USP47: variants seen among roughly 807,000 people sequenced by gnomAD.
The protein encoded by USP47 is ubiquitin specific peptidase 47.
Under a neutral mutation model 165.1 loss-of-function variants are expected in USP47, and 35 were observed. That is an observed-to-expected ratio of 0.21 (90% CI 0.16 to 0.28). The LOEUF is 0.28. Among genes scored for constraint, USP47 ranks in the 10% least tolerant of loss-of-function variants. The pLI is 1.00. For missense variants in USP47, 1,277 were observed against 1,607.4 expected (o/e 0.79, Z 3.52); for synonymous variants, 531 against 544.5 (o/e 0.98, Z 0.35).
intron 17 of USP47, 103 bp from the exon 18 acceptor site, chr11:11,938,154 T>C: frequency 1.1e-6 from 1 of 915,948 alleles, no homozygotes; most frequent in East Asian, 2.5e-5. Context: ...ACTTGGAAGT[T>C]TGGATTTGTC....
chr11:11,879,575 C>T (rs1479339230), intron 1 of USP47, among the ~76,000 whole-genome samples: 6 of 152,060 alleles, frequency 3.9e-5, no homozygotes, highest in African/African-American at 1.4e-4. Flanking sequence ...TTTCCTTCCC[C>T]CTCCTCCTGG....
intron 8 of USP47, among the ~76,000 whole-genome samples, chr11:11,911,485 T>G (rs947810590): frequency 6.6e-6 from 1 of 152,022 alleles, no homozygotes; most frequent in African/African-American, 2.4e-5. Context: ...AAGAAGACTT[T>G]AGAGCAAAGA....
intron 1 of USP47, among the ~76,000 whole-genome samples, chr11:11,879,334 G>T (rs915830512): frequency 2.6e-5 from 4 of 152,210 alleles, no homozygotes; most frequent in African/African-American, 9.6e-5. Flanking sequence ...GGTTTCAGCA[G>T]CCAGGCAGAT....
chr11:11,842,694 GTTA>G lies in USP47; in HGVS notation c.39+471_39+473del, dbSNP rs373084950. ...GATCTGTGGGAGGGCAGACTTAACT[GTTA>G]CGACTTTTTTCAACTCCTGTTACTT... is the stretch of plus-strand genomic sequence containing the variant. On this transcript the variant is annotated intron_variant, in intron 1 of 27. Transcript: ENST00000527733. Among the ~76,000 whole-genome samples, 425 of 152,260 alleles carry G rather than the reference GTTA, an allele frequency of 2.8e-3. 2 individuals are homozygous for G. Among genetic ancestry groups the G allele is most frequent in the African/African-American group, 0.01 (416 of 41,540 alleles).
At chr11:11,889,090 T>C (rs546451885) in intron 3 of USP47, among the ~76,000 whole-genome samples, 1 of 152,220 alleles carries the variant, frequency 6.6e-6, no homozygotes, top group South Asian at 2.1e-4. Flanking sequence ...CCACAGCCAA[T>C]ATCAACCTGA....
In USP47 at chr11:11,877,931, A is replaced by G. The variant is rs185054638; in HGVS notation, c.40-2246A>G. Among the ~76,000 whole-genome samples the G allele has an allele frequency of 2.0e-5, 3 of 151,888 alleles. No individual in the cohort carries two copies. The East Asian group carries it at 5.8e-4, about 29-fold the overall frequency. On this transcript the variant is annotated intron_variant, in intron 1 of 27. Transcript: ENST00000527733. The stretch of plus-strand genomic sequence containing the variant: ...ATAGTTATCTGTGGGTTATAGAGTT[A>G]CAGATTATTTCCATTTTTTCCTTTA...
Position 11,959,416 on chromosome 11 carries a change from G to A in USP47, c.*3241G>A, listed in dbSNP as rs894051372. On this transcript the variant is annotated 3_prime_UTR_variant, in exon 28 of 28. Coordinates refer to ENST00000527733, the MANE Select transcript of USP47 (RefSeq NM_001282659.2). ...CATATGTCCTGAAAGGCAAAACTCT[G>A]TGTATGTGCGATTTACCAGGGAGAT... 1 of 152,272 alleles carries A rather than the reference G, an allele frequency of 6.6e-6. No individual in the cohort carries two copies. Among genetic ancestry groups the A allele is most frequent in the Admixed American group, 6.5e-5 (1 of 15,300 alleles). 9.4% of individuals were successfully genotyped at this position (152,272 alleles called of 1,614,324 possible). A position where few individuals can be genotyped will look rare whatever the true frequency, so the allele number is the denominator to read the frequency against.
At chr11:11,938,939 C>T (rs1044706254) in intron 18 of USP47, among the ~76,000 whole-genome samples, 19 of 151,846 alleles carry the variant, frequency 1.3e-4, no homozygotes, top group African/African-American at 3.4e-4. Flanking sequence ...TGACCTGAGC[C>T]AGGGGTTTCA....
chr11:11,948,636 C>T, intron 22 of USP47, 78 bp downstream of exon 22: 1 of 1,369,352 alleles, frequency 7.3e-7, no homozygotes, highest in South Asian at 1.3e-5. Flanking sequence ...TATTCATAGT[C>T]ATTTTATTTC....
intron 5 of USP47, among the ~76,000 whole-genome samples, chr11:11,899,147 G>A (rs1852032870): frequency 1.3e-5 from 2 of 152,060 alleles, no homozygotes; most frequent in Non-Finnish European, 2.9e-5. Context: ...CATAACCAGA[G>A]TTTTGTCAGA....
intron 1 of USP47, among the ~76,000 whole-genome samples, chr11:11,867,218 C>A (rs577613409): frequency 2.0e-5 from 3 of 152,258 alleles, no homozygotes; most frequent in South Asian, 4.1e-4. Context: ...CATGTAAATT[C>A]TTCTCCGTTT....
chr11:11,871,764 A>C (rs888768832), intron 1 of USP47, among the ~76,000 whole-genome samples: 36 of 151,036 alleles, frequency 2.4e-4, no homozygotes, highest in African/African-American at 8.5e-4. Flanking sequence ...CACCCCTTGA[A>C]CTCCCAACTC....
intron 1 of USP47, among the ~76,000 whole-genome samples, chr11:11,876,399 C>T (rs151210926): frequency 6.6e-6 from 1 of 152,304 alleles, no homozygotes; most frequent in East Asian, 1.9e-4. Context: ...ATACTTTCCC[C>T]ACTTGAACTT....
chr11:11,926,412 TGTTAAAC>T (rs940076462), intron 11 of USP47, among the ~76,000 whole-genome samples: 1 of 152,158 alleles, frequency 6.6e-6, no homozygotes, highest in Admixed American at 6.5e-5. Context: ...CTTCATAAGC[TGTTAAAC>T]GTTTGTAGAA....
In USP47 at chr11:11,860,009, C is replaced by G. The variant is rs546086830; in HGVS notation, c.39+17785C>G. 3.9e-3 allele frequency among the ~76,000 whole-genome samples: 582 copies of G among 149,946 alleles called. 2 individuals are homozygous for G. The highest frequency in any genetic ancestry group is 6.6e-3 in the Non-Finnish European group (445 of 67,724). On this transcript the variant is annotated intron_variant, in intron 1 of 27. Transcript: ENST00000527733. ...GTTCCAGCTACTTGGGAGGCTGAGA[C>G]AGAAGAATTGCGTGAACCCGGGAGA...
rs933765531 is a variant in USP47, at chr11:11,844,724, A to AT, written c.39+2512dup. ...ATGGCTTATTATCAATAATCTAAAG[A>AT]TTTTTTTTTTTTGAGGGCCTTTGTA... On this transcript the variant is annotated intron_variant, in intron 1 of 27. Coordinates refer to ENST00000527733, the MANE Select transcript of USP47 (RefSeq NM_001282659.2). Among the ~76,000 whole-genome samples, 170 of 147,388 alleles carry AT rather than the reference A, an allele frequency of 1.2e-3. 2 individuals carry two copies. The highest frequency in any genetic ancestry group is 8.3e-3 in the East Asian group (42 of 5,064).
chr11:11,856,849 T>C (rs1304335422), intron 1 of USP47: 1 of 152,486 alleles, frequency 6.6e-6, no homozygotes, highest in African/African-American at 2.4e-5. Flanking sequence ...ACTGGCATTT[T>C]TGTGGGCATT....
chr11:11,871,189 A>T (rs776561621), intron 1 of USP47, among the ~76,000 whole-genome samples: 4 of 152,092 alleles, frequency 2.6e-5, no homozygotes, highest in African/African-American at 9.7e-5. Context: ...TGCCCTGTGC[A>T]TTATGAGATT....
intron 8 of USP47, among the ~76,000 whole-genome samples, 175 bp downstream of exon 8, chr11:11,905,723 AT>A (rs757479998): frequency 5.3e-5 from 8 of 152,122 alleles, no homozygotes; most frequent in Non-Finnish European, 1.0e-4. Flanking sequence ...GTGAGTCCTA[AT>A]AGTGCATGTA....
Sources: gnomAD v4.1 joint callset for allele counts (sites outside exome capture counted in the v4.1 genomes callset) on GRCh38, gnomAD v4.1.1 for gene constraint, MANE v1.5 for transcripts, NCBI Gene and HGNC (gene_info 2026-07-23, HGNC 2026-07-21) for gene names.